KSR2: variants seen among roughly 807,000 people sequenced by gnomAD.
KSR2 encodes kinase suppressor of ras 2.
KSR2 carries 25 observed loss-of-function variants against 107.8 expected under a neutral mutation model. The observed-to-expected ratio is 0.23, with a 90% CI of 0.17 to 0.32. The LOEUF (loss-of-function observed/expected upper bound fraction) is 0.32. KSR2 is among the 10% of genes least tolerant of loss of function. The probability of loss-of-function intolerance (pLI) is 1.00; values close to 1 mark genes in which losing one functional copy is unlikely to be tolerated. For synonymous variants in KSR2, 480 were observed against 507.0 expected (o/e 0.95, Z 0.71); for missense variants, 887 against 1,268.9 (o/e 0.70, Z 4.57).
At chr12:117,743,342 T>C (rs1888291510) in intron 4 of KSR2, among the ~76,000 whole-genome samples, 1 of 152,204 alleles carries the variant, frequency 6.6e-6, no homozygotes, top group Admixed American at 6.5e-5. Context: ...GGATTCCCAT[T>C]CTACCGCCAC....
chr12:117,873,487 GTC>G (rs1331566694), intron 1 of KSR2, among the ~76,000 whole-genome samples: 1 of 130,652 alleles, frequency 7.7e-6, no homozygotes, highest in Non-Finnish European at 1.6e-5. Context: ...TTGAGATGGA[GTC>G]TCACTCTGTT....
At chr12:117,681,255 G>A (rs1325036664) in intron 4 of KSR2, among the ~76,000 whole-genome samples, 4 of 152,156 alleles carry the variant, frequency 2.6e-5, no homozygotes, top group Admixed American at 6.5e-5. Context: ...AGGTGGCAAG[G>A]CCAGAACCCA....
chr12:117,611,283 A>G (rs977963408), intron 5 of KSR2, among the ~76,000 whole-genome samples: 1 of 152,108 alleles, frequency 6.6e-6, no homozygotes, highest in Admixed American at 6.6e-5. Context: ...ATGAAGCTTG[A>G]TTGGTTCTAA....
At position 117,968,225 on chromosome 12, in the gene KSR2, C is replaced by T. The variant is rs548162432; in HGVS notation, c.31G>A (p.Glu11Lys). MDEENMTKSEEQQPLSLQKAL... is the reference protein window; with the variant it reads MDEENMTKSEKQQPLSLQKAL... ...TTTTGCAAACTCAGAGGCTGCTGCT[C>T]CTCGCTTTTCGTCATGTTTTCCTCA... Residue 11 changes from glutamate to lysine, a missense_variant, in exon 1 of 20, where the codon GAG becomes AAG. Physicochemically the swap from Glu to Lys is moderately conservative, Grantham distance 56 (BLOSUM62 1). Transcript: ENST00000339824. 2 of 1,587,534 alleles carry T rather than the reference C, an allele frequency of 1.3e-6. No homozygotes were observed. Among genetic ancestry groups the T allele is most frequent in the East Asian group, 2.3e-5 (1 of 43,786 alleles).
chr12:117,755,900 C>T (rs632330), intron 4 of KSR2, among the ~76,000 whole-genome samples: 136,345 of 152,244 alleles, frequency 0.9, 61,354 homozygotes, highest in African/African-American at 0.97. Flanking sequence ...ATTGCTGATA[C>T]GGAGAAAGTT....
intron 1 of KSR2, among the ~76,000 whole-genome samples, chr12:117,921,787 AT>A (rs1895354979): frequency 6.6e-6 from 1 of 152,204 alleles, no homozygotes; most frequent in Admixed American, 6.5e-5. Flanking sequence ...GTCCCCTTGC[AT>A]TGGGCTCACG....
rs570676959 is a variant in KSR2, at chr12:117,499,073, G to C, written c.2220-13382C>G. Among the ~76,000 whole-genome samples the C allele has an allele frequency of 1.1e-4, 16 of 152,286 alleles. No homozygotes were observed. In the South Asian group the frequency reaches 3.3e-3, roughly 32 times the overall value. On this transcript the variant is annotated intron_variant, in intron 14 of 19. Coordinates refer to ENST00000339824, the MANE Select transcript of KSR2 (RefSeq NM_173598.6). The stretch of plus-strand genomic sequence containing the variant: ...TCTTCCATGAGCAAGGTACCACAGG[G>C]GCAAAAAGACCAAATAGACCACTGG...
intron 5 of KSR2, among the ~76,000 whole-genome samples, chr12:117,626,869 C>T (rs964617513): frequency 3.9e-5 from 6 of 152,126 alleles, no homozygotes; most frequent in Non-Finnish European, 8.8e-5. Context: ...TAAGGACTTG[C>T]TTTATGAATC....
Position 117,484,531 on chromosome 12 carries a change from C to T in KSR2, c.2335G>A (p.Ala779Thr). 2 of 1,613,898 alleles carry T rather than the reference C, an allele frequency of 1.2e-6. No individual in the cohort carries two copies. The highest frequency in any genetic ancestry group is 1.7e-5 in the Admixed American group (1 of 60,014). The change falls in exon 16 of 20, where the codon GCC becomes ACC. Residue 779 changes from alanine to threonine, a missense_variant. This residue lies in a region of KSR2 where 308 missense variants were observed against 506.2 expected (regional missense o/e 0.61). Transcript: ENST00000339824. ...AGGTCCTTGTGTAGGATTCCCTTGG[C>T]GTGGAGGTAGCCCATGCCCTGCAAG... ...EIVKGMGYLHAKGILHKDLKS... is the reference protein window; with the variant it reads ...EIVKGMGYLHTKGILHKDLKS...
intron 3 of KSR2, among the ~76,000 whole-genome samples, chr12:117,840,159 G>T (rs984748998): frequency 2.0e-5 from 3 of 150,356 alleles, no homozygotes; most frequent in South Asian, 2.1e-4. Flanking sequence ...AGTGCAATGC[G>T]CAATCTTGGC....
At position 117,464,217 on chromosome 12, in the gene KSR2, A is replaced by G. The variant is rs1467098632; in HGVS notation, c.*2982T>C. On this transcript the variant is annotated 3_prime_UTR_variant, in exon 20 of 20. Coordinates refer to ENST00000339824, the MANE Select transcript of KSR2 (RefSeq NM_173598.6). ...CACATGCCCTTTAAAGAAAGCTGAG[A>G]TGTTTCTCTCTGCAAAGCCAAGGCT... is the stretch of plus-strand genomic sequence containing the variant. 6.6e-6 allele frequency: 1 copy of G among 152,162 alleles called. No homozygotes were observed. The highest frequency in any genetic ancestry group is 1.5e-5 in the Non-Finnish European group (1 of 68,028). 9.4% of individuals were successfully genotyped at this position (152,162 alleles called of 1,614,324 possible). A position where few individuals can be genotyped will look rare whatever the true frequency, so the allele number is the denominator to read the frequency against.
chr12:117,780,777 T>C (rs1448869575), intron 3 of KSR2, among the ~76,000 whole-genome samples: 1 of 152,252 alleles, frequency 6.6e-6, no homozygotes, highest in Non-Finnish European at 1.5e-5. Flanking sequence ...AATTTTAAAT[T>C]ACATACATGG....
chr12:117,841,141 A>G (rs551132602), intron 3 of KSR2, among the ~76,000 whole-genome samples: 2 of 152,306 alleles, frequency 1.3e-5, no homozygotes, highest in African/African-American at 4.8e-5. Context: ...AAATAATTAG[A>G]GAAAGCAAAA....
chr12:117,807,278 A>C (rs1265855592), intron 3 of KSR2, among the ~76,000 whole-genome samples: 1 of 152,086 alleles, frequency 6.6e-6, no homozygotes, highest in African/African-American at 2.4e-5. Context: ...TCCACCAACC[A>C]CCAGGGCATC....
intron 3 of KSR2, among the ~76,000 whole-genome samples, chr12:117,820,832 T>C (rs931897149): frequency 6.6e-6 from 1 of 152,090 alleles, no homozygotes; most frequent in Non-Finnish European, 1.5e-5. Flanking sequence ...AGCCTACATG[T>C]GGTCCATCTG....
intron 3 of KSR2, among the ~76,000 whole-genome samples, chr12:117,832,523 C>T (rs139106873): frequency 1.3e-5 from 2 of 152,346 alleles, no homozygotes; most frequent in Admixed American, 6.5e-5. Flanking sequence ...CACCTCACTG[C>T]GTCCTCAATG....
intron 4 of KSR2, among the ~76,000 whole-genome samples, chr12:117,668,722 T>C: frequency 6.6e-6 from 1 of 152,174 alleles, no homozygotes; most frequent in Non-Finnish European, 1.5e-5. Context: ...ATACAAAGTA[T>C]AAACATGAAT....
chr12:117,761,693 A>G (rs1444821209), intron 3 of KSR2, among the ~76,000 whole-genome samples, 169 bp from the exon 4 acceptor site: 1 of 152,146 alleles, frequency 6.6e-6, no homozygotes, highest in Non-Finnish European at 1.5e-5. Flanking sequence ...TCATATGCAA[A>G]TTATATCTTA....
At chr12:117,648,946 C>T (rs1204476955) in intron 5 of KSR2, among the ~76,000 whole-genome samples, 5 of 152,176 alleles carry the variant, frequency 3.3e-5, no homozygotes, top group African/African-American at 7.2e-5. Flanking sequence ...GCTACAGATG[C>T]GCAACAGCTG....
Sources: gnomAD v4.1 joint callset for allele counts (sites outside exome capture counted in the v4.1 genomes callset) on GRCh38, gnomAD v4.1.1 for gene constraint, gnomAD v4.1.1 regional missense constraint, MANE v1.5 for transcripts, NCBI Gene and HGNC (gene_info 2026-07-23, HGNC 2026-07-21) for gene names.